The following CFAP47 variants were observed in gnomAD, a reference collection of about 807,000 sequenced individuals.
CFAP47 encodes the protein cilia- and flagella-associated protein 47.
In CFAP47, 29 loss-of-function variants were observed where a neutral mutation model predicts 148.1. The observed-to-expected ratio is 0.20, with a 90% CI of 0.15 to 0.27. The LOEUF (loss-of-function observed/expected upper bound fraction) is 0.27. Ranked by LOEUF, CFAP47 falls within the 10% of genes least tolerant of loss-of-function variation. The pLI, the probability that CFAP47 is intolerant of heterozygous loss-of-function variation, is 1.00. For missense variants in CFAP47, 1,872 were observed against 1,697.5 expected, an observed-to-expected ratio of 1.10 and a Z score of -1.81; for synonymous variants, 664 against 577.3, an observed-to-expected ratio of 1.15 and a Z score of -2.15.
intron 33 of CFAP47, among the ~76,000 whole-genome samples, chrX:36,118,643 T>G (rs964334547): frequency 7.3e-5 from 8 of 109,808 alleles, no homozygotes; most frequent in African/African-American, 2.7e-4. Context: ...CCGGCTAATT[T>G]TTTTGTATTT....
At chrX:36,335,299 A>T (rs1349154844) in intron 57 of CFAP47, among the ~76,000 whole-genome samples, 1 of 110,527 alleles carries the variant, frequency 9.0e-6, no homozygotes, top group Non-Finnish European at 1.9e-5. Context: ...AGCCCTACCA[A>T]CCTTTTTAGA....
At chrX:36,371,986 ATATG>A (rs1215437985) in intron 62 of CFAP47, among the ~76,000 whole-genome samples, 1 of 103,065 alleles carries the variant, frequency 9.7e-6, no homozygotes, top group African/African-American at 3.5e-5. Context: ...GTGTGTGTAT[ATATG>A]TATGTGTATA....
intron 57 of CFAP47, among the ~76,000 whole-genome samples, chrX:36,328,111 A>AT (rs1447834758): frequency 8.9e-6 from 1 of 112,079 alleles, no homozygotes; most frequent in Non-Finnish European, 1.9e-5. Flanking sequence ...AGGTGAAATT[A>AT]TTTTTTAAAA....
At chrX:36,041,622 G>A (rs973709200) in intron 25 of CFAP47, among the ~76,000 whole-genome samples, 1 of 111,230 alleles carries the variant, frequency 9.0e-6, no homozygotes, top group African/African-American at 3.3e-5. Context: ...CTGAATTATT[G>A]GCTAAACTGT....
intron 33 of CFAP47, among the ~76,000 whole-genome samples, chrX:36,130,119 C>T (rs1031276070): frequency 1.8e-5 from 2 of 110,823 alleles, no homozygotes; most frequent in African/African-American, 6.5e-5. Flanking sequence ...ATACAATCAA[C>T]AAAGTAAAGA....
intron 46 of CFAP47, among the ~76,000 whole-genome samples, 184 bp from the exon 47 acceptor site, chrX:36,235,750 C>T (rs782431432): frequency 8.4e-4 from 94 of 112,476 alleles, no homozygotes; most frequent in African/African-American, 1.9e-3. Context: ...TGTTCCTATT[C>T]GGCCATCTTG....
intron 19 of CFAP47, among the ~76,000 whole-genome samples, chrX:35,998,897 G>A (rs192159058): frequency 9.0e-6 from 1 of 111,301 alleles, no homozygotes; most frequent in East Asian, 2.8e-4. Context: ...TGCTTTGCAT[G>A]TTATGGTACA....
intron 36 of CFAP47, among the ~76,000 whole-genome samples, chrX:36,146,778 C>CT (rs568139660): frequency 0.018 from 1,578 of 87,717 alleles, 18 homozygotes; most frequent in East Asian, 0.051. Context: ...TATTTCTTTT[C>CT]TTTTTTTTTT....
intron 33 of CFAP47, among the ~76,000 whole-genome samples, chrX:36,106,957 C>T (rs934015610): frequency 1.8e-5 from 2 of 110,915 alleles, no homozygotes; most frequent in Non-Finnish European, 3.8e-5. Flanking sequence ...AGAGTGGGCC[C>T]TGATGTAAAC....
chrX:36,127,325 T>A (rs1938858800), intron 33 of CFAP47, among the ~76,000 whole-genome samples: 1 of 112,056 alleles, frequency 8.9e-6, no homozygotes, highest in African/African-American at 3.2e-5. Context: ...TAGCCAGTTT[T>A]CCCAACAACA....
chrX:36,346,516 C>A (rs1325113041), intron 57 of CFAP47, among the ~76,000 whole-genome samples: 1 of 111,946 alleles, frequency 8.9e-6, no homozygotes. Flanking sequence ...TGGCTTTCCT[C>A]ATGGATCAGC....
intron 37 of CFAP47, among the ~76,000 whole-genome samples, chrX:36,151,600 A>G (rs778600118): frequency 9.9e-5 from 11 of 111,473 alleles, no homozygotes; most frequent in Non-Finnish European, 1.5e-4. Flanking sequence ...GAGATTCAAG[A>G]CCAGTGAATA....
At chrX:36,347,846 G>A (rs1941711379) in intron 57 of CFAP47, among the ~76,000 whole-genome samples, 1 of 111,011 alleles carries the variant, frequency 9.0e-6, no homozygotes, top group Non-Finnish European at 1.9e-5. Flanking sequence ...GGGTTGATGG[G>A]TGCAGCAAAC....
At chrX:35,945,718 C>G (rs1212808474) in intron 3 of CFAP47, among the ~76,000 whole-genome samples, 1 of 111,280 alleles carries the variant, frequency 9.0e-6, no homozygotes, top group Non-Finnish European at 1.9e-5. Flanking sequence ...TCTTCCCCTG[C>G]TGAATAACTA....
At chrX:36,089,683 A>T (rs2146781521) in intron 30 of CFAP47, among the ~76,000 whole-genome samples, 1 of 111,885 alleles carries the variant, frequency 8.9e-6, no homozygotes, top group Admixed American at 9.5e-5. Context: ...TCCATAACTA[A>T]CTTGGTTGTT....
chrX:36,023,012 C>T (rs926340800), intron 22 of CFAP47, among the ~76,000 whole-genome samples: 2 of 111,792 alleles, frequency 1.8e-5, no homozygotes, highest in Admixed American at 9.5e-5. Flanking sequence ...CTGGGTGGTC[C>T]TGATACTTGT....
chrX:35,999,396 T>C (rs900078021), intron 19 of CFAP47, among the ~76,000 whole-genome samples: 6 of 111,945 alleles, frequency 5.4e-5, no homozygotes, highest in African/African-American at 1.9e-4. Flanking sequence ...CTAAAGAGTT[T>C]TGTGATATAA....
At position 36,046,976 on chromosome X, in the gene CFAP47, A is replaced by G. The variant is rs1212185465; in HGVS notation, c.4130A>G (p.Asn1377Ser). 1.7e-6 allele frequency: 2 copies of G among 1,164,435 alleles called. No individual in the cohort carries two copies. Among genetic ancestry groups the G allele is most frequent in the Non-Finnish European group, 1.1e-6 (1 of 870,778 alleles). ...CCAGGCTCTCACAGTGGAATTAATA[A>G]TAAGCTCACTTGCCACCTCAGTTTC... ...VIPGSHSGIN[N>S]KLTCHLSFKS... The change falls in exon 26 of 64, where the codon AAT becomes AGT. Residue 1377 changes from asparagine (N) to serine (S), a missense_variant. Coordinates refer to ENST00000378653, the MANE Select transcript of CFAP47 (RefSeq NM_001304548.2).
At chrX:36,074,810 A>G (rs1257307906) in intron 29 of CFAP47, among the ~76,000 whole-genome samples, 2 of 109,820 alleles carry the variant, frequency 1.8e-5, no homozygotes, top group Non-Finnish European at 3.8e-5. Flanking sequence ...TCAGCCTCTG[A>G]TGACCACCAT....
Sources: gnomAD v4.1 joint callset for allele counts (sites outside exome capture counted in the v4.1 genomes callset) on GRCh38, gnomAD v4.1.1 for gene constraint, MANE v1.5 for transcripts, NCBI Gene and HGNC (gene_info 2026-07-23, HGNC 2026-07-21) for gene names.